Variants in OTUD7A observed in about 807,000 individuals in gnomAD.
OTUD7A encodes the protein OTU deubiquitinase 7A, also known as OTU domain-containing protein 7A.
A neutral mutation model predicts 65.7 loss-of-function variants in OTUD7A; 12 were observed. That is an observed-to-expected ratio of 0.18 (90% CI 0.12 to 0.30). OTUD7A has a LOEUF of 0.30. OTUD7A is among the 10% of genes least tolerant of loss of function. The probability of loss-of-function intolerance (pLI) is 1.00; values close to 1 mark genes in which losing one functional copy is unlikely to be tolerated. For synonymous variants in OTUD7A, 641 were observed against 586.3 expected, an observed-to-expected ratio of 1.09 and a Z score of -1.35; for missense variants, 1,148 against 1,304.8, an observed-to-expected ratio of 0.88 and a Z score of 1.85.
chr15:31,648,045 A>C (rs1891729161), intron 3 of OTUD7A, among the ~76,000 whole-genome samples: 1 of 152,192 alleles, frequency 6.6e-6, no homozygotes, highest in African/African-American at 2.4e-5. Context: ...TTTATTTTGC[A>C]GGTAATGGGG....
chr15:31,728,410 T>C (rs983258924), intron 1 of OTUD7A, among the ~76,000 whole-genome samples: 2 of 152,242 alleles, frequency 1.3e-5, no homozygotes, highest in African/African-American at 4.8e-5. Flanking sequence ...TTTAGTGATC[T>C]GTATGATCTT....
intron 3 of OTUD7A, among the ~76,000 whole-genome samples, chr15:31,651,572 AACACACACACACACAC>A (rs60554390): frequency 0.052 from 7,386 of 140,780 alleles, 398 homozygotes; most frequent in African/African-American, 0.14. Context: ...AATCCCAAGG[AACACACACACACACAC>A]ACACACACAC....
At chr15:31,789,706 C>CTT (rs11354353) in intron 1 of OTUD7A, among the ~76,000 whole-genome samples, 2 of 105,884 alleles carry the variant, frequency 1.9e-5, no homozygotes, top group African/African-American at 3.3e-5. Flanking sequence ...CAATGCTGCC[C>CTT]TTTTTTTTTT....
intron 1 of OTUD7A, among the ~76,000 whole-genome samples, chr15:31,743,746 A>AAAAAG (rs148710847): frequency 1.3e-5 from 2 of 151,612 alleles, no homozygotes; most frequent in African/African-American, 4.8e-5. Flanking sequence ...ATCTCAAAAA[A>AAAAAG]AAAAGAAAAG....
At chr15:31,856,200 AAT>A (rs1897568131) in intron 1 of OTUD7A, among the ~76,000 whole-genome samples, 1 of 152,244 alleles carries the variant, frequency 6.6e-6, no homozygotes, top group Non-Finnish European at 1.5e-5. Flanking sequence ...CTAAAAATGT[AAT>A]AATCTCCAAC....
chr15:31,552,932 G>A (rs1434812184), intron 5 of OTUD7A, among the ~76,000 whole-genome samples: 5 of 152,182 alleles, frequency 3.3e-5, no homozygotes, highest in Admixed American at 2.0e-4. Flanking sequence ...GAAGCCTCAC[G>A]AGATGGAAGG....
intron 5 of OTUD7A, among the ~76,000 whole-genome samples, chr15:31,533,111 T>TAAAGACA (rs2141125650): frequency 6.6e-6 from 1 of 150,896 alleles, no homozygotes; most frequent in South Asian, 2.1e-4. Context: ...TTCTAAAAAC[T>TAAAGACA]AAAGACAAAG....
chr15:31,651,597 AC>A (rs1891839206), intron 3 of OTUD7A, among the ~76,000 whole-genome samples: 2 of 151,624 alleles, frequency 1.3e-5, no homozygotes, highest in East Asian at 3.9e-4. Flanking sequence ...ACACACACAC[AC>A]ACACACACAC....
chr15:31,834,271 C>T (rs2140986629), intron 1 of OTUD7A, among the ~76,000 whole-genome samples: 1 of 152,314 alleles, frequency 6.6e-6, no homozygotes, highest in East Asian at 1.9e-4. Flanking sequence ...CTGCCTGGAA[C>T]AGAACAAAGC....
At chr15:31,581,686 T>C (rs1057363268) in intron 3 of OTUD7A, among the ~76,000 whole-genome samples, 1 of 151,884 alleles carries the variant, frequency 6.6e-6, no homozygotes, top group Non-Finnish European at 1.5e-5. Context: ...GGCTGGGATT[T>C]GAGACTGCAC....
intron 8 of OTUD7A, among the ~76,000 whole-genome samples, chr15:31,508,660 G>C (rs2041621775): frequency 6.6e-6 from 1 of 152,260 alleles, no homozygotes; most frequent in Non-Finnish European, 1.5e-5. Flanking sequence ...CAAGAATGTG[G>C]TTTGTAGGCT....
chr15:31,673,930 C>T (rs1892540494), intron 1 of OTUD7A, among the ~76,000 whole-genome samples: 1 of 152,188 alleles, frequency 6.6e-6, no homozygotes. Context: ...AACATCACCA[C>T]AAGCTGGAAT....
At chr15:31,682,659 C>T (rs1892745201) in intron 1 of OTUD7A, among the ~76,000 whole-genome samples, 1 of 152,180 alleles carries the variant, frequency 6.6e-6, no homozygotes, top group Non-Finnish European at 1.5e-5. Context: ...GTAAAGTAAA[C>T]TCAATCTACA....
At chr15:31,761,465 C>CA (rs1013542146) in intron 1 of OTUD7A, among the ~76,000 whole-genome samples, 136 of 152,216 alleles carry the variant, frequency 8.9e-4, no homozygotes, top group African/African-American at 3.2e-3. Context: ...ATCAAAATCA[C>CA]AACGAAATAT....
At chr15:31,659,036 T>C (rs1443496937) in intron 1 of OTUD7A, among the ~76,000 whole-genome samples, 1 of 116,172 alleles carries the variant, frequency 8.6e-6, no homozygotes, top group Admixed American at 8.7e-5. Context: ...AATGAATGAA[T>C]GAATGAATAA....
chr15:31,616,555 C>T (rs940459855), intron 3 of OTUD7A, among the ~76,000 whole-genome samples: 5 of 152,040 alleles, frequency 3.3e-5, no homozygotes, highest in African/African-American at 1.2e-4. Context: ...TACTTTTATT[C>T]ATTTATTTGA....
chr15:31,815,215 G>A (rs1175217251), intron 1 of OTUD7A, among the ~76,000 whole-genome samples: 1 of 152,296 alleles, frequency 6.6e-6, no homozygotes, highest in Admixed American at 6.5e-5. Context: ...CTGCCAGGAC[G>A]TTTGTGCTGC....
chr15:31,487,479 T>C lies in OTUD7A; in HGVS notation c.1259A>G (p.Asp420Gly). Residue 420 changes from aspartate (D) to glycine (G), a missense_variant, in exon 11 of 13, where the codon GAC (aspartate) becomes GGC (glycine). Around this residue, in one of 6 missense-constraint regions of OTUD7A, gnomAD observed 842 missense variants for 769.5 expected, o/e 1.09. Transcript: ENST00000307050. The surrounding 1 kb of genome is among the most constrained non-coding windows in gnomAD (Gnocchi z 6.0). ...DPGKDWEWGK[D>G]DNDNARLAHL... Reference sequence around the variant, plus strand: ...GGCCAGCCGGGCGTTATCGTTGTCGTCTTTCCCCCACTCCCAGTCCTTGCC... The same window carrying C: ...GGCCAGCCGGGCGTTATCGTTGTCGCCTTTCCCCCACTCCCAGTCCTTGCC... 6.2e-7 allele frequency: 1 copy of C among 1,614,028 alleles called. No homozygotes were observed.
chr15:31,585,714 C>A (rs1889513513), intron 3 of OTUD7A, among the ~76,000 whole-genome samples: 1 of 152,140 alleles, frequency 6.6e-6, no homozygotes, highest in Admixed American at 6.5e-5. Flanking sequence ...CCAGAAAGAG[C>A]CCCGGCTGTA....
Sources: allele counts gnomAD v4.1 joint callset (sites outside exome capture counted in the v4.1 genomes callset), GRCh38; gene constraint gnomAD v4.1.1; regional missense constraint gnomAD v4.1.1; non-coding constraint Gnocchi (gnomAD v3.1); transcripts MANE v1.5; gene names NCBI Gene and HGNC (gene_info 2026-07-23, HGNC 2026-07-21).